MYH11: variants seen among roughly 807,000 people sequenced by gnomAD.
The protein encoded by MYH11 is myosin heavy chain 11, also known as myosin-11.
Under a neutral mutation model 246.6 loss-of-function variants are expected in MYH11, and 80 were observed. The ratio of observed to expected loss-of-function variants is 0.32; its 90% confidence interval spans 0.27 to 0.39. The LOEUF (loss-of-function observed/expected upper bound fraction) is 0.39, where lower values mean the gene tolerates loss of function less well. Among genes scored for constraint, MYH11 ranks in the 10% least tolerant of loss-of-function variants. The probability of loss-of-function intolerance (pLI) is 1.00; values close to 1 mark genes in which losing one functional copy is unlikely to be tolerated. For missense variants in MYH11, 2,158 were observed against 2,546.8 expected, an observed-to-expected ratio of 0.85 and a Z score of 3.29; for synonymous variants, 1,071 against 1,015.5, an observed-to-expected ratio of 1.05 and a Z score of -1.04.
At chr16:15,746,275 A>G (rs2041415859) in intron 19 of MYH11, among the ~76,000 whole-genome samples, 1 of 151,890 alleles carries the variant, frequency 6.6e-6, no homozygotes, top group Non-Finnish European at 1.5e-5. Context: ...TCACACTGTG[A>G]CCCTGAACCA....
rs1486961149 is a variant in MYH11 at position 15,731,554 on chromosome 16, C to T, written c.3651+1010G>A. On this transcript the variant is annotated intron_variant, in intron 27 of 40. Transcript: ENST00000300036. ...TCGCCCAGACTGGAGTGCAGTAGCA[C>T]GATCTGAGCTCACTGCAACCTCTTC... Among the ~76,000 whole-genome samples the T allele has an allele frequency of 4.6e-5, 7 of 151,504 alleles. 1 individual carries two copies. The South Asian group carries it at 1.0e-3, about 23-fold the overall frequency.
intron 27 of MYH11, among the ~76,000 whole-genome samples, chr16:15,727,635 A>G (rs1401623869): frequency 6.6e-6 from 1 of 152,192 alleles, no homozygotes; most frequent in Non-Finnish European, 1.5e-5. Flanking sequence ...ATTTTAATAA[A>G]TGTCACATAA....
chr16:15,833,322 A>T (rs62031671), intron 2 of MYH11, among the ~76,000 whole-genome samples: 1 of 149,610 alleles, frequency 6.7e-6, no homozygotes, highest in South Asian at 2.1e-4. Flanking sequence ...AAAAAAGAAG[A>T]AAGAAAAAAG....
rs1567687790 is a variant in MYH11, at chr16:15,717,243, G to C, written c.5401C>G (p.Leu1801Val). Residue 1801 changes from leucine (L) to valine (V), a missense_variant, in exon 38 of 41, where the codon CTC becomes GTC. This residue lies in a region of MYH11 where 1,013 missense variants were observed against 993.5 expected (regional missense o/e 1.02). Coordinates refer to ENST00000300036, the MANE Select transcript of MYH11 (RefSeq NM_002474.3). ...ERQNKELRSK[L>V]HEMEGAVKSK... ...TTGACGGCCCCCTCCATCTCGTGGA[G>C]CTTGCTCCGGAGCTCCTTGTTCTGC... is the stretch of plus-strand genomic sequence containing the variant. 6 of 1,614,188 alleles carry C rather than the reference G, an allele frequency of 3.7e-6. No individual in the cohort carries two copies. Among genetic ancestry groups the C allele is most frequent in the Non-Finnish European group, 5.1e-6 (6 of 1,180,044 alleles).
intron 3 of MYH11, among the ~76,000 whole-genome samples, chr16:15,816,595 C>G (rs1478231706): frequency 6.6e-6 from 1 of 151,984 alleles, no homozygotes; most frequent in African/African-American, 2.4e-5. Context: ...TTTGTCAAAA[C>G]TAAGATAAAA....
intron 25 of MYH11, among the ~76,000 whole-genome samples, chr16:15,736,766 G>A (rs2041130265): frequency 6.6e-6 from 1 of 152,150 alleles, no homozygotes; most frequent in African/African-American, 2.4e-5. Flanking sequence ...GTTACCCCTA[G>A]GAGGCTCAGC....
At chr16:15,826,996 CAAAAAAAAAA>C (rs10573425) in intron 2 of MYH11, among the ~76,000 whole-genome samples, 4 of 57,982 alleles carry the variant, frequency 6.9e-5, no homozygotes, top group Non-Finnish European at 1.5e-4. Flanking sequence ...GAACCCATCT[CAAAAAAAAAA>C]AAAAAAAAAA....
chr16:15,803,976 C>A (rs1025115213), intron 3 of MYH11, among the ~76,000 whole-genome samples: 7 of 152,162 alleles, frequency 4.6e-5, no homozygotes, highest in Admixed American at 3.9e-4. Flanking sequence ...TGTCTGCCAA[C>A]CCGTGTGGAG....
chr16:15,705,146 T>C (rs1310714007), intron 40 of MYH11, among the ~76,000 whole-genome samples: 1 of 152,160 alleles, frequency 6.6e-6, no homozygotes, highest in Non-Finnish European at 1.5e-5. Flanking sequence ...CACGCCTGGC[T>C]AATTTTTGTA....
chr16:15,795,572 T>G (rs774916327), intron 4 of MYH11, among the ~76,000 whole-genome samples: 1 of 152,008 alleles, frequency 6.6e-6, no homozygotes, highest in Non-Finnish European at 1.5e-5. Flanking sequence ...GATCACGCCA[T>G]TGCACTCTAG....
At chr16:15,758,243 C>G (rs1414484260) in intron 12 of MYH11, among the ~76,000 whole-genome samples, 1 of 152,172 alleles carries the variant, frequency 6.6e-6, no homozygotes, top group Non-Finnish European at 1.5e-5. Flanking sequence ...ATCTGCACAA[C>G]CATCTATGGA....
chr16:15,745,087 G>A, intron 20 of MYH11, 42 bp downstream of exon 20: 1 of 1,517,422 alleles, frequency 6.6e-7, no homozygotes, highest in Non-Finnish European at 9.2e-7. Context: ...GAAGAAGCAG[G>A]GCTGGGGGCC....
At chr16:15,845,298 ATT>A (rs11436822) in intron 1 of MYH11, among the ~76,000 whole-genome samples, 15 of 139,946 alleles carry the variant, frequency 1.1e-4, no homozygotes, top group Admixed American at 2.2e-4. Flanking sequence ...TTTTTTCGCG[ATT>A]TTTTTTTTTT....
At chr16:15,747,454 A>T in intron 19 of MYH11, 116 bp downstream of exon 19, 1 of 1,222,832 alleles carries the variant, frequency 8.2e-7, no homozygotes, top group South Asian at 1.2e-5. Context: ...AAAGGCTGTC[A>T]TTCAGTCAAT....
intron 3 of MYH11, among the ~76,000 whole-genome samples, chr16:15,822,766 A>G (rs2043448184): frequency 6.6e-6 from 1 of 152,228 alleles, no homozygotes; most frequent in African/African-American, 2.4e-5. Flanking sequence ...TGAAAGTAAT[A>G]GGCACAAGTC....
intron 9 of MYH11, among the ~76,000 whole-genome samples, chr16:15,769,465 A>G (rs2042051526): frequency 6.6e-6 from 1 of 152,212 alleles, no homozygotes; most frequent in Non-Finnish European, 1.5e-5. Flanking sequence ...GCGCCACCGT[A>G]CTCCAGCCTA....
At chr16:15,725,048 A>C (rs1384455578) in intron 28 of MYH11, 56 bp from the exon 29 acceptor site, 7 of 1,482,566 alleles carry the variant, frequency 4.7e-6, no homozygotes, top group Non-Finnish European at 6.5e-6. Flanking sequence ...TCCTCGTTGA[A>C]AGGAGCCCTT....
chr16:15,833,381 G>GAGGAAGGAAGGAAGGGAGGAAGGAAGGA (rs148317130), intron 2 of MYH11, among the ~76,000 whole-genome samples: 1 of 136,854 alleles, frequency 7.3e-6, no homozygotes, highest in African/African-American at 2.8e-5. Flanking sequence ...GGGAGGGAGG[G>GAGGAAGGAAGGAAGGGAGGAAGGAAGGA]AGGGAGGAAG....
Position 15,750,444 on chromosome 16 carries a change from TCACCAA to T in MYH11, c.1865-119_1865-114del, listed in dbSNP as rs2041537246. On this transcript the variant is annotated intron_variant, in intron 15 of 40. Transcript: ENST00000300036. The surrounding 1 kb of genome is among the most constrained non-coding windows in gnomAD (Gnocchi z 4.3). Reference sequence around the variant, plus strand: ...CTGCCCACTCCAATCTTTCCTTCCATCACCAACGCCTCCTTCGGCAGTCAGGGTTTC... The same window carrying T: ...CTGCCCACTCCAATCTTTCCTTCCATCGCCTCCTTCGGCAGTCAGGGTTTC... 2.9e-6 allele frequency: 3 copies of T among 1,040,884 alleles called. No homozygotes were observed. Among genetic ancestry groups the T allele is most frequent in the Non-Finnish European group, 4.3e-6 (3 of 700,524 alleles). The allele number at this position is 1,040,884 out of a possible 1,614,324, so 64.5% of individuals were successfully genotyped here.
Sources: gnomAD v4.1 joint callset for allele counts (sites outside exome capture counted in the v4.1 genomes callset) on GRCh38, gnomAD v4.1.1 for gene constraint, gnomAD v4.1.1 regional missense constraint, Gnocchi (gnomAD v3.1) non-coding constraint, MANE v1.5 for transcripts, NCBI Gene and HGNC (gene_info 2026-07-23, HGNC 2026-07-21) for gene names.